ROBO2: variants seen among roughly 807,000 people sequenced by gnomAD.
ROBO2 encodes the protein roundabout guidance receptor 2.
Under a neutral mutation model 160.8 loss-of-function variants are expected in ROBO2, and 53 were observed. The ratio of observed to expected loss-of-function variants is 0.33; its 90% CI spans 0.26 to 0.41. The LOEUF (loss-of-function observed/expected upper bound fraction) is 0.41. Ranked by LOEUF, ROBO2 falls within the 10% of genes least tolerant of loss-of-function variation. ROBO2 has a pLI of 1.00. For synonymous variants in ROBO2, 664 were observed against 611.7 expected (o/e 1.09, Z -1.26); for missense variants, 1,577 against 1,722.4 (o/e 0.92, Z 1.49).
At chr3:76,025,250 A>T (rs983199583) in intron 2 of ROBO2, among the ~76,000 whole-genome samples, 51 of 151,710 alleles carry the variant, frequency 3.4e-4, no homozygotes, top group African/African-American at 1.2e-3. Flanking sequence ...TATTTCTGGG[A>T]TGTCTTCAAA....
chr3:76,228,674 A>T (rs1197250492), intron 2 of ROBO2, among the ~76,000 whole-genome samples: 2 of 152,178 alleles, frequency 1.3e-5, no homozygotes, highest in Non-Finnish European at 2.9e-5. Flanking sequence ...AATTATGTCA[A>T]CATCTTAGCA....
At chr3:76,633,572 C>T (rs1397716430) in intron 2 of ROBO2, among the ~76,000 whole-genome samples, 1 of 152,100 alleles carries the variant, frequency 6.6e-6, no homozygotes, top group Non-Finnish European at 1.5e-5. Context: ...TTGAAAACAC[C>T]AACCAAATAA....
At chr3:77,023,039 C>T (rs1242772101) in intron 2 of ROBO2, among the ~76,000 whole-genome samples, 1 of 152,104 alleles carries the variant, frequency 6.6e-6, no homozygotes, top group Admixed American at 6.6e-5. Context: ...ATACAATGGA[C>T]ATGGTTTGGC....
intron 2 of ROBO2, among the ~76,000 whole-genome samples, chr3:76,997,004 T>C (rs970012101): frequency 1.3e-5 from 2 of 152,170 alleles, no homozygotes; most frequent in Admixed American, 6.6e-5. Context: ...AAAGAAGTAT[T>C]AAGACATAAT....
intron 2 of ROBO2, among the ~76,000 whole-genome samples, chr3:76,643,904 A>T (rs2090832349): frequency 6.6e-6 from 1 of 152,150 alleles, no homozygotes; most frequent in Non-Finnish European, 1.5e-5. Context: ...AAAAAAGAGT[A>T]TATCTGTGGA....
At chr3:76,452,007 T>C (rs2077498922) in intron 2 of ROBO2, among the ~76,000 whole-genome samples, 1 of 152,120 alleles carries the variant, frequency 6.6e-6, no homozygotes, top group Non-Finnish European at 1.5e-5. Context: ...TTTCTGTTTG[T>C]GTGTGTGACT....
intron 21 of ROBO2, among the ~76,000 whole-genome samples, chr3:77,613,243 G>A (rs544524246): frequency 6.1e-4 from 91 of 148,148 alleles, no homozygotes; most frequent in African/African-American, 2.0e-3. Context: ...TAAATTTCAT[G>A]TGTATATCCC....
At chr3:76,570,674 T>C (rs1387780885) in intron 2 of ROBO2, among the ~76,000 whole-genome samples, 3 of 152,180 alleles carry the variant, frequency 2.0e-5, no homozygotes, top group Admixed American at 6.5e-5. Flanking sequence ...AACATGCTCA[T>C]TGAAATTTAA....
chr3:76,235,052 G>A (rs561669658), intron 2 of ROBO2, among the ~76,000 whole-genome samples: 8 of 152,244 alleles, frequency 5.3e-5, no homozygotes, highest in East Asian at 3.9e-4. Flanking sequence ...TTAGAAGGAC[G>A]TGAATTTTGG....
chr3:77,507,979 C>A (rs971279316), intron 5 of ROBO2, among the ~76,000 whole-genome samples: 6 of 151,858 alleles, frequency 4.0e-5, no homozygotes, highest in African/African-American at 1.4e-4. Flanking sequence ...AAGAGTGTTG[C>A]ATATTAAGGA....
intron 23 of ROBO2, among the ~76,000 whole-genome samples, chr3:77,627,743 CAA>C (rs2095061262): frequency 2.0e-5 from 3 of 152,024 alleles, no homozygotes; most frequent in Admixed American, 6.6e-5. Flanking sequence ...AATAGGTAGA[CAA>C]ATAACATTTA....
At chr3:76,780,803 T>C (rs2062594074) in intron 2 of ROBO2, among the ~76,000 whole-genome samples, 1 of 150,922 alleles carries the variant, frequency 6.6e-6, no homozygotes, top group Admixed American at 6.6e-5. Flanking sequence ...TACCATCCTG[T>C]TTTAATTACT....
At chr3:76,219,187 T>C (rs1703781385) in intron 2 of ROBO2, among the ~76,000 whole-genome samples, 1 of 152,174 alleles carries the variant, frequency 6.6e-6, no homozygotes, top group Admixed American at 6.5e-5. Flanking sequence ...GACTTACATG[T>C]TAGACCTTAA....
At chr3:76,589,091 A>G (rs994799672) in intron 2 of ROBO2, among the ~76,000 whole-genome samples, 7 of 152,204 alleles carry the variant, frequency 4.6e-5, no homozygotes, top group Non-Finnish European at 1.0e-4. Context: ...ATTTGCTAAG[A>G]GAGTGTATCT....
chr3:75,996,086 G>A (rs1456502284), intron 2 of ROBO2, among the ~76,000 whole-genome samples: 1 of 152,042 alleles, frequency 6.6e-6, no homozygotes, highest in Non-Finnish European at 1.5e-5. Context: ...GGTTAATTCT[G>A]GAATGAGGTA....
chr3:77,561,348 T>C (rs2093317580), intron 9 of ROBO2, among the ~76,000 whole-genome samples: 1 of 152,180 alleles, frequency 6.6e-6, no homozygotes, highest in African/African-American at 2.4e-5. Context: ...CTTTGTTTGG[T>C]CATCAGTTTC....
chr3:76,193,028 A>AC (rs1336124624), intron 2 of ROBO2, among the ~76,000 whole-genome samples: 1 of 151,992 alleles, frequency 6.6e-6, no homozygotes, highest in African/African-American at 2.4e-5. Context: ...AGCATTTAAC[A>AC]CTGAGGGTCA....
chr3:76,070,261 T>C (rs1282227477), intron 2 of ROBO2, among the ~76,000 whole-genome samples: 1 of 152,198 alleles, frequency 6.6e-6, no homozygotes, highest in Admixed American at 6.5e-5. Context: ...GAAATATCAC[T>C]GAATTCTTTT....
intron 1 of ROBO2, among the ~76,000 whole-genome samples, chr3:75,932,094 A>C (rs1296066112): frequency 6.6e-6 from 1 of 152,106 alleles, no homozygotes; most frequent in Non-Finnish European, 1.5e-5. Context: ...CTTTGAGTTC[A>C]CTTGAGAGGG....
Sources: gnomAD v4.1 joint callset for allele counts (sites outside exome capture counted in the v4.1 genomes callset) on GRCh38, gnomAD v4.1.1 for gene constraint, MANE v1.5 for transcripts, NCBI Gene and HGNC (gene_info 2026-07-23, HGNC 2026-07-21) for gene names.